Variants in HEXB observed in about 807,000 individuals in gnomAD.
HEXB encodes the protein hexosaminidase subunit beta.
A neutral mutation model predicts 71.2 loss-of-function variants in HEXB; 51 were observed. That is an observed-to-expected ratio of 0.72 (90% CI 0.57 to 0.90). The LOEUF is 0.90. Ranked by LOEUF, HEXB falls within the 40% of genes least tolerant of loss-of-function variation. The pLI is 0.00. For synonymous variants in HEXB, 266 were observed against 249.3 expected (o/e 1.07, Z -0.63); for missense variants, 617 against 677.0 (o/e 0.91, Z 0.98).
intron 1 of HEXB, among the ~76,000 whole-genome samples, chr5:74,647,881 T>C (rs973536669): frequency 1.3e-5 from 2 of 152,370 alleles, no homozygotes; most frequent in Admixed American, 1.3e-4. Flanking sequence ...TGCTAAGGAA[T>C]ATCCCAGTTT....
chr5:74,646,360 C>T (rs889730929), intron 1 of HEXB, among the ~76,000 whole-genome samples: 1 of 152,116 alleles, frequency 6.6e-6, no homozygotes, highest in African/African-American at 2.4e-5. Context: ...TTAAGGGACA[C>T]ACTGGTGTCT....
chr5:74,683,825 T>C (rs544193517), upstream of HEXB, among the ~76,000 whole-genome samples: 27 of 143,586 alleles, frequency 1.9e-4, no homozygotes, highest in South Asian at 2.1e-3. Flanking sequence ...TTCTTTCTTT[T>C]TTTTTTTTTT....
chr5:74,677,947 A>G (rs1748666527), intron 1 of HEXB, among the ~76,000 whole-genome samples: 1 of 152,158 alleles, frequency 6.6e-6, no homozygotes, highest in African/African-American at 2.4e-5. Context: ...TTAGAAATAA[A>G]ACAATGTGTG....
chr5:74,712,575 A>G (rs1561225463), intron 6 of HEXB, among the ~76,000 whole-genome samples: 1 of 152,178 alleles, frequency 6.6e-6, no homozygotes, highest in East Asian at 1.9e-4. Flanking sequence ...TAATATGTCT[A>G]GTAATTCTTT....
At chr5:74,681,288 G>A (rs1465347623), upstream of HEXB, among the ~76,000 whole-genome samples, 1 of 152,154 alleles carries the variant, frequency 6.6e-6, no homozygotes, top group Non-Finnish European at 1.5e-5. Flanking sequence ...TGAGGCTCAG[G>A]GGTTGGGGGT....
upstream of HEXB, chr5:74,685,217 G>T: frequency 6.8e-7 from 1 of 1,469,262 alleles, no homozygotes; most frequent in Non-Finnish European, 8.9e-7. Flanking sequence ...GTCGGGTCCC[G>T]AGGCTCCGGC....
intron 1 of HEXB, among the ~76,000 whole-genome samples, chr5:74,650,843 G>C (rs141777748): frequency 1.3e-5 from 2 of 150,366 alleles, no homozygotes; most frequent in African/African-American, 4.9e-5. Flanking sequence ...GGAGAATGGC[G>C]TGAACCTGGG....
At chr5:74,694,296 A>G (rs1580382096) in intron 3 of HEXB, among the ~76,000 whole-genome samples, 1 of 152,368 alleles carries the variant, frequency 6.6e-6, no homozygotes, top group South Asian at 2.1e-4. Flanking sequence ...AGCACTACAC[A>G]TGGCCCCAAC....
upstream of HEXB, among the ~76,000 whole-genome samples, chr5:74,682,836 A>G (rs1283295799): frequency 4.6e-5 from 7 of 152,218 alleles, no homozygotes; most frequent in Admixed American, 4.6e-4. Context: ...ACCTTTCCTC[A>G]TCCATCATGA....
intron 1 of HEXB, among the ~76,000 whole-genome samples, chr5:74,658,410 C>T: frequency 6.6e-6 from 1 of 152,152 alleles, no homozygotes. Context: ...GAGCTGCTTT[C>T]TTTGTTTAGG....
chr5:74,655,341 A>C (rs1580361093), intron 1 of HEXB, among the ~76,000 whole-genome samples: 1 of 129,368 alleles, frequency 7.7e-6, no homozygotes, highest in African/African-American at 3.0e-5. Context: ...TTGAGACAGG[A>C]TCTCGCTCTG....
intron 1 of HEXB, among the ~76,000 whole-genome samples, chr5:74,671,605 T>C (rs188425812): frequency 6.6e-6 from 1 of 152,286 alleles, no homozygotes; most frequent in East Asian, 1.9e-4. Context: ...GTATGTCCAA[T>C]ATCTGATTGT....
At chr5:74,720,332 C>T in intron 11 of HEXB, 96 bp from the exon 12 acceptor site, 1 of 939,932 alleles carries the variant, frequency 1.1e-6, no homozygotes, top group East Asian at 2.4e-5. Flanking sequence ...AGAAATGTTG[C>T]CCTAGGATAA....
intron 1 of HEXB, among the ~76,000 whole-genome samples, chr5:74,665,388 G>A (rs1748414357): frequency 6.6e-6 from 1 of 151,192 alleles, no homozygotes; most frequent in Non-Finnish European, 1.5e-5. Context: ...ATCTATACAT[G>A]TCCTCATGCC....
chr5:74,700,497 G>C (rs1327937810), intron 5 of HEXB, among the ~76,000 whole-genome samples: 1 of 151,534 alleles, frequency 6.6e-6, no homozygotes, highest in Non-Finnish European at 1.5e-5. Flanking sequence ...TGTAGAGATA[G>C]GGTCTCACCA....
At position 74,721,268 on chromosome 5, in the gene HEXB, A is replaced by G. The variant is rs1749860309; in HGVS notation, c.*93A>G. 3.8e-6 allele frequency: 4 copies of G among 1,055,146 alleles called. No homozygotes were observed. In the East Asian group the frequency reaches 1.0e-4, roughly 27 times the overall value. 65.4% of individuals were successfully genotyped at this position (1,055,146 alleles called of 1,614,324 possible). Reference sequence around the variant, plus strand: ...TAAGATATTAGACTGTTTTTTGAATAAAATATTTTTATTGATTGAACCTTT... The same window carrying G: ...TAAGATATTAGACTGTTTTTTGAATGAAATATTTTTATTGATTGAACCTTT... On this transcript the variant is annotated 3_prime_UTR_variant, in exon 14 of 14. Coordinates refer to ENST00000261416, the MANE Select transcript of HEXB (RefSeq NM_000521.4).
intron 1 of HEXB, among the ~76,000 whole-genome samples, chr5:74,677,697 A>T (rs1383608672): frequency 6.6e-6 from 1 of 151,556 alleles, no homozygotes; most frequent in African/African-American, 2.4e-5. Context: ...GTCTTTTTTT[A>T]TTATTATTTT....
intron 1 of HEXB, among the ~76,000 whole-genome samples, chr5:74,657,684 A>G (rs1200572419): frequency 1.3e-5 from 2 of 152,248 alleles, no homozygotes; most frequent in African/African-American, 4.8e-5. Context: ...GAAAGCTAAT[A>G]AACCCTTAAA....
At position 74,715,648 on chromosome 5, in the gene HEXB, A is replaced by T. The variant is rs754108567; in HGVS notation, c.1040A>T (p.Gln347Leu). The T allele has an allele frequency of 1.5e-5, 24 of 1,610,750 alleles. No homozygotes were observed. The highest frequency in any genetic ancestry group is 1.6e-4 in the Middle Eastern group (1 of 6,076). Reference protein sequence around the residue: ...FKEISEVFPDQFIHLGGDEVE... With the variant: ...FKEISEVFPDLFIHLGGDEVE... ...GAAATTAGTGAGGTGTTTCCAGATC[A>T]ATTCATTCATTTGGGAGGAGATGAA... is the stretch of plus-strand genomic sequence containing the variant. The change falls in exon 8 of 14, where the codon CAA becomes CTA. Residue 347 changes from glutamine to leucine, a missense_variant. Physicochemically the swap from Gln to Leu is moderately radical, Grantham distance 113 (BLOSUM62 -2). Transcript: ENST00000261416.
Sources: gnomAD v4.1 joint callset for allele counts (sites outside exome capture counted in the v4.1 genomes callset) on GRCh38, gnomAD v4.1.1 for gene constraint, MANE v1.5 for transcripts, NCBI Gene and HGNC (gene_info 2026-07-23, HGNC 2026-07-21) for gene names.